The following PRDM2 variants were observed in gnomAD, a reference collection of about 807,000 sequenced individuals.
PRDM2 encodes PR/SET domain 2.
In PRDM2, 30 loss-of-function variants were observed where a neutral mutation model predicts 130.0. That is an observed-to-expected ratio of 0.23 (90% CI 0.17 to 0.31). PRDM2 has a LOEUF of 0.31. Ranked by LOEUF, PRDM2 falls within the 10% of genes least tolerant of loss-of-function variation. The pLI, the probability that PRDM2 is intolerant of heterozygous loss-of-function variation, is 1.00. For missense variants in PRDM2, 2,011 were observed against 2,108.4 expected, an observed-to-expected ratio of 0.95 and a Z score of 0.90; for synonymous variants, 871 against 782.4, an observed-to-expected ratio of 1.11 and a Z score of -1.89.
At chr1:13,730,533 C>A (rs1643068022) in intron 2 of PRDM2, among the ~76,000 whole-genome samples, 1 of 152,128 alleles carries the variant, frequency 6.6e-6, no homozygotes, top group Non-Finnish European at 1.5e-5. Context: ...TGCTGGAGGG[C>A]AACATGGATG....
At chr1:13,713,961 C>A (rs964364675) in intron 1 of PRDM2, among the ~76,000 whole-genome samples, 1 of 149,234 alleles carries the variant, frequency 6.7e-6, no homozygotes, top group East Asian at 2.0e-4. Flanking sequence ...CTCCGCCTCC[C>A]GGGTTCACGC....
rs763243673 is a variant in PRDM2, at chr1:13,816,383, G to C, written c.5037-44G>C. ...CCCCCAGCAATGTCTAGGGCACCGG[G>C]CTGGGCTCCTGTGACAATGTGTGTT... On this transcript the variant is annotated intron_variant, in intron 8 of 9. Coordinates refer to ENST00000311066, the MANE Select transcript of PRDM2 (RefSeq NM_001393986.1). The C allele has an allele frequency of 1.7e-5, 28 of 1,610,238 alleles. No homozygotes were observed. In the South Asian group the frequency reaches 2.8e-4, roughly 16 times the overall value.
chr1:13,757,871 T>A (rs773913727), intron 6 of PRDM2, among the ~76,000 whole-genome samples: 1 of 150,316 alleles, frequency 6.7e-6, no homozygotes. Flanking sequence ...TGTTTGCTGA[T>A]AAAGCTTTCC....
At chr1:13,742,785 A>C (rs1311394744) in intron 5 of PRDM2, among the ~76,000 whole-genome samples, 1 of 152,200 alleles carries the variant, frequency 6.6e-6, no homozygotes, top group Non-Finnish European at 1.5e-5. Context: ...ACTGTAAGAA[A>C]CTATCAGTAG....
Position 13,780,047 on chromosome 1 carries a change from G to C in PRDM2, c.2252G>C (p.Arg751Pro), listed in dbSNP as rs147714283. ...TCTCCACAGCACAGTCCTGCCCTTC[G>C]AGACTTTGGAAAGCCAAGTGATGGG... is the stretch of plus-strand genomic sequence containing the variant. ...PSSPQHSPAL[R>P]DFGKPSDGKA... Residue 751 changes from arginine (R) to proline (P), a missense_variant, in exon 8 of 10, where the codon CGA (arginine) becomes CCA (proline). Physicochemically the swap from Arg to Pro is moderately radical, Grantham distance 103 (BLOSUM62 -2). This residue lies in a region of PRDM2 where 1,288 missense variants were observed against 1,237.7 expected (regional missense o/e 1.04). Transcript: ENST00000311066. 1.9e-6 allele frequency: 3 copies of C among 1,614,128 alleles called. No homozygotes were observed. The highest frequency in any genetic ancestry group is 2.5e-6 in the Non-Finnish European group (3 of 1,180,034).
At chr1:13,739,619 C>A (rs1047103100) in intron 4 of PRDM2, among the ~76,000 whole-genome samples, 5 of 152,230 alleles carry the variant, frequency 3.3e-5, no homozygotes, top group Admixed American at 3.3e-4. Flanking sequence ...TATTGTTTTC[C>A]ATTTAGCCAT....
chr1:13,708,366 A>G (rs1463826365), intron 1 of PRDM2, among the ~76,000 whole-genome samples: 1 of 152,182 alleles, frequency 6.6e-6, no homozygotes, highest in Non-Finnish European at 1.5e-5. Flanking sequence ...TGTTGACCTC[A>G]GAGCTCTATA....
In PRDM2 at chr1:13,776,857, C is replaced by T. The variant is rs552822863; in HGVS notation, c.623-1561C>T. Among the ~76,000 whole-genome samples the T allele has an allele frequency of 1.1e-3, 169 of 152,304 alleles. 1 individual carries two copies. Among genetic ancestry groups the T allele is most frequent in the Non-Finnish European group, 1.7e-3 (116 of 68,024 alleles). ...TCTGGGACACAATCCTCTCATCCCT[C>T]TTCTGCCTGCGTTCACTTGCCAGGT... On this transcript the variant is annotated intron_variant, in intron 7 of 9. Transcript: ENST00000311066.
intron 2 of PRDM2, among the ~76,000 whole-genome samples, chr1:13,726,349 A>G (rs1229796933): frequency 1.3e-5 from 2 of 152,198 alleles, no homozygotes; most frequent in Admixed American, 6.5e-5. Flanking sequence ...AAGCAGTAGA[A>G]GGGCCCTTCA....
intron 4 of PRDM2, among the ~76,000 whole-genome samples, chr1:13,739,416 A>G (rs1643372776): frequency 1.3e-5 from 2 of 152,140 alleles, no homozygotes; most frequent in Admixed American, 1.3e-4. Context: ...TTTCCACAAC[A>G]TCTGGTTATC....
intron 5 of PRDM2, among the ~76,000 whole-genome samples, chr1:13,745,411 G>A (rs1317270504): frequency 2.0e-5 from 3 of 151,878 alleles, no homozygotes; most frequent in African/African-American, 4.8e-5. Context: ...CCTTGGAGTA[G>A]GAATAAGCTA....
Position 13,782,142 on chromosome 1 carries a change from T to A in PRDM2, c.4347T>A (p.Ala1449=), listed in dbSNP as rs200147227. The change falls in exon 8 of 10, where the codon GCT becomes GCA. Residue 1449 remains alanine, a synonymous_variant. Transcript: ENST00000311066. ...AGCAGAAGGCCGACTTGAAAAATGC[T>A]TGTGAGTCATCCTCTCACATCTGCC... The part of the protein sequence containing the change: ...SAKQKADLKN[A]CESSSHICPY... 52 of 1,613,820 alleles carry A rather than the reference T, an allele frequency of 3.2e-5. No homozygotes were observed. Among genetic ancestry groups the A allele is most frequent in the Admixed American group, 1.5e-4 (9 of 60,002 alleles).
Position 13,749,414 on chromosome 1 carries a change from T to G in PRDM2, c.438T>G (p.Pro146=). 4 of 1,502,296 alleles carry G rather than the reference T, an allele frequency of 2.7e-6. No individual in the cohort carries two copies. The highest frequency in any genetic ancestry group is 2.3e-5 in the South Asian group (2 of 88,082). 93.1% of individuals were successfully genotyped at this position (1,502,296 alleles called of 1,614,324 possible). A position where few individuals can be genotyped will look rare whatever the true frequency, so the allele number is the denominator to read the frequency against. ...LLVWYNGEDN[P]EIAAAIEEER... is the part of the protein sequence containing the mutation. ...TCTGGTACAATGGGGAAGACAACCC[T>G]GAGATAGCAGCTGCGATTGAGGAAG... The change falls in exon 6 of 10, where the codon CCT becomes CCG. Residue 146 remains proline (P), a synonymous_variant. Coordinates refer to ENST00000311066, the MANE Select transcript of PRDM2 (RefSeq NM_001393986.1).
rs142096492 is a variant in PRDM2, at chr1:13,737,659, A to G, written c.232-4346A>G. Among the ~76,000 whole-genome samples, 3 of 152,322 alleles carry G rather than the reference A, an allele frequency of 2.0e-5. No homozygotes were observed. In the East Asian group the frequency reaches 5.8e-4, roughly 29 times the overall value. ...GGTTGTCATAGAAACAGATGAGCCA[A>G]TTACATTCCTCTTCTCTCAGGAACT... On this transcript the variant is annotated intron_variant, in intron 4 of 9. Coordinates refer to ENST00000311066, the MANE Select transcript of PRDM2 (RefSeq NM_001393986.1).
chr1:13,748,024 G>A (rs1643667664), intron 5 of PRDM2, among the ~76,000 whole-genome samples: 1 of 152,146 alleles, frequency 6.6e-6, no homozygotes, highest in African/African-American at 2.4e-5. Flanking sequence ...TCAGTTTTGA[G>A]AACTGGTTGG....
intron 5 of PRDM2, among the ~76,000 whole-genome samples, chr1:13,748,919 C>A (rs1643702531): frequency 6.6e-6 from 1 of 152,330 alleles, no homozygotes; most frequent in South Asian, 2.1e-4. Context: ...GTTGAAGTTG[C>A]TCTTGGTCTG....
intron 2 of PRDM2, among the ~76,000 whole-genome samples, chr1:13,726,155 C>T (rs968746582): frequency 6.6e-6 from 1 of 152,228 alleles, no homozygotes; most frequent in Non-Finnish European, 1.5e-5. Context: ...GTATCTGACA[C>T]ATCTTGAACG....
intron 1 of PRDM2, among the ~76,000 whole-genome samples, chr1:13,707,267 C>G (rs1358251454): frequency 1.3e-5 from 2 of 152,180 alleles, no homozygotes; most frequent in Non-Finnish European, 2.9e-5. Flanking sequence ...CCTGCCCGTG[C>G]TGCTGTAGTG....
At chr1:13,746,398 A>G (rs1448482226) in intron 5 of PRDM2, among the ~76,000 whole-genome samples, 1 of 151,892 alleles carries the variant, frequency 6.6e-6, no homozygotes, top group Admixed American at 6.5e-5. Context: ...TAAAAAAAAT[A>G]CTATTATTTT....
Sources: allele counts gnomAD v4.1 joint callset (sites outside exome capture counted in the v4.1 genomes callset), GRCh38; gene constraint gnomAD v4.1.1; regional missense constraint gnomAD v4.1.1; transcripts MANE v1.5; gene names NCBI Gene and HGNC (gene_info 2026-07-23, HGNC 2026-07-21).